Variants in GALNT9 observed in about 807,000 individuals in gnomAD.
GALNT9 encodes the protein GalNAc transferase 9.
Under a neutral mutation model 63.1 loss-of-function variants are expected in GALNT9, and 47 were observed. That is an observed-to-expected ratio of 0.75 (90% CI 0.59 to 0.95). The LOEUF (loss-of-function observed/expected upper bound fraction) is 0.95. GALNT9 is among the 40% of genes least tolerant of loss of function. The pLI, the probability that GALNT9 is intolerant of heterozygous loss-of-function variation, is 0.00. For missense variants in GALNT9, 829 were observed against 874.8 expected (o/e 0.95, Z 0.66); for synonymous variants, 396 against 365.7 (o/e 1.08, Z -0.94).
chr12:132,228,287 C>A (rs994835108), intron 6 of GALNT9, among the ~76,000 whole-genome samples: 3 of 152,022 alleles, frequency 2.0e-5, no homozygotes, highest in Admixed American at 6.5e-5. Flanking sequence ...CCCTCCCCAG[C>A]GTCCCTCTGA....
Position 132,327,551 on chromosome 12 carries a change from T to C in GALNT9, c.238+1415A>G, listed in dbSNP as rs954774630. Reference sequence around the variant, plus strand: ...TAACACCATGGCGAGCACACTTCAATAGAGCCATGTGCTATTGCCGGGCAC... The same window carrying C: ...TAACACCATGGCGAGCACACTTCAACAGAGCCATGTGCTATTGCCGGGCAC... On this transcript the variant is annotated intron_variant, in intron 1 of 10. Coordinates refer to ENST00000328957, the MANE Select transcript of GALNT9 (RefSeq NM_001122636.2). This position sits in a 1 kb window ranked among gnomAD's most constrained non-coding sequence, Gnocchi z 4.3. Among the ~76,000 whole-genome samples the C allele has an allele frequency of 6.6e-6, 1 of 152,130 alleles. No individual in the cohort carries two copies. The highest frequency in any genetic ancestry group is 1.5e-5 in the Non-Finnish European group (1 of 68,014).
At chr12:132,240,402 T>C in intron 6 of GALNT9, 1 of 353,116 alleles carries the variant, frequency 2.8e-6, no homozygotes, top group Non-Finnish European at 5.6e-6. Flanking sequence ...AAGGGACCCT[T>C]TGGCTTCCAG....
At chr12:132,227,651 A>G (rs1322938628) in intron 6 of GALNT9, among the ~76,000 whole-genome samples, 1 of 152,200 alleles carries the variant, frequency 6.6e-6, no homozygotes, top group African/African-American at 2.4e-5. Context: ...GAAAATTAGC[A>G]TGCTTGCTGT....
chr12:132,239,945 C>T (rs2136897579), intron 6 of GALNT9, among the ~76,000 whole-genome samples: 8 of 151,990 alleles, frequency 5.3e-5, no homozygotes, highest in East Asian at 3.9e-4. Context: ...CTCAGGCAGC[C>T]GCCTGCCTGG....
chr12:132,223,089 A>C (rs1877531102), intron 6 of GALNT9, among the ~76,000 whole-genome samples: 1 of 67,014 alleles, frequency 1.5e-5, no homozygotes, highest in African/African-American at 6.1e-5. Context: ...CCACACACAC[A>C]CCCCACACCC....
intron 6 of GALNT9, among the ~76,000 whole-genome samples, chr12:132,225,291 T>A (rs1228334452): frequency 5.4e-5 from 4 of 74,744 alleles, no homozygotes; most frequent in African/African-American, 1.1e-4. Flanking sequence ...CCACACTACA[T>A]ACACACCACC....
At chr12:132,267,745 G>GCACACT (rs1566005988) in intron 2 of GALNT9, among the ~76,000 whole-genome samples, 2 of 132,462 alleles carry the variant, frequency 1.5e-5, no homozygotes, top group African/African-American at 8.1e-5. Flanking sequence ...AAATACACAA[G>GCACACT]CACACACACT....
intron 5 of GALNT9, among the ~76,000 whole-genome samples, chr12:132,256,419 C>T (rs1379559620): frequency 6.6e-6 from 1 of 151,970 alleles, no homozygotes; most frequent in Non-Finnish European, 1.5e-5. Context: ...GTCTGCCCTG[C>T]TCATCCATTC....
At chr12:132,261,776 G>T (rs980452404) in intron 3 of GALNT9, among the ~76,000 whole-genome samples, 9 of 152,262 alleles carry the variant, frequency 5.9e-5, no homozygotes, top group African/African-American at 2.2e-4. Context: ...ACGGCTGCAG[G>T]CTCTCTGCTC....
At chr12:132,209,585 A>T (rs921319356) in intron 6 of GALNT9, among the ~76,000 whole-genome samples, 1 of 152,100 alleles carries the variant, frequency 6.6e-6, no homozygotes, top group African/African-American at 2.4e-5. Context: ...GGAGCCGCCA[A>T]GTCCCACCAA....
Position 132,247,904 on chromosome 12 carries a change from A to G in GALNT9, c.1077+6T>C. 1 of 1,551,168 alleles carries G rather than the reference A, an allele frequency of 6.4e-7. No individual in the cohort carries two copies. The highest frequency in any genetic ancestry group is 8.7e-7 in the Non-Finnish European group (1 of 1,146,954). ...CCCTGTCCCTGGACACCGGGGCCGC[A>G]CTCACCCTCATGCCCAGTTCTACGT... On this transcript the variant is annotated splice_donor_region_variant and intron_variant, in intron 6 of 10. Transcript: ENST00000328957.
intron 1 of GALNT9, among the ~76,000 whole-genome samples, chr12:132,287,420 G>C (rs1880643640): frequency 6.6e-6 from 1 of 152,158 alleles, no homozygotes. Flanking sequence ...ACCAGCCCTT[G>C]ACACCATCCG....
intron 6 of GALNT9, among the ~76,000 whole-genome samples, chr12:132,221,108 C>A (rs1436748356): frequency 6.9e-6 from 1 of 144,346 alleles, no homozygotes; most frequent in Non-Finnish European, 1.5e-5. Flanking sequence ...GTAATCCCAG[C>A]ACTTTCGGAG....
At position 132,262,727 on chromosome 12, in the gene GALNT9, C is replaced by T. The variant is rs782308254; in HGVS notation, c.420-102G>A. 3.6e-5 allele frequency: 51 copies of T among 1,418,264 alleles called. No individual in the cohort carries two copies. In the African/African-American group the frequency reaches 3.9e-4, roughly 11 times the overall value. 87.9% of individuals were successfully genotyped at this position (1,418,264 alleles called of 1,614,324 possible). ...CCTGCAGGAGACACGGTTTGGGGTG[C>T]GGTCAGGGCGCAGCATGAGGGACCC... On this transcript the variant is annotated intron_variant, in intron 2 of 10. Transcript: ENST00000328957.
At chr12:132,287,261 G>C (rs143966064) in intron 1 of GALNT9, among the ~76,000 whole-genome samples, 1 of 152,332 alleles carries the variant, frequency 6.6e-6, no homozygotes, top group East Asian at 1.9e-4. Context: ...CTGTGCCTGC[G>C]GGGCAGAGGA....
intron 6 of GALNT9, among the ~76,000 whole-genome samples, chr12:132,207,665 C>T (rs1234567299): frequency 6.6e-6 from 1 of 152,140 alleles, no homozygotes; most frequent in African/African-American, 2.4e-5. Flanking sequence ...CAACTTCCAT[C>T]ATTAGCTGAG....
intron 5 of GALNT9, among the ~76,000 whole-genome samples, chr12:132,249,625 C>A (rs1002821468): frequency 2.0e-5 from 3 of 152,214 alleles, no homozygotes; most frequent in Non-Finnish European, 2.9e-5. Flanking sequence ...TTCTTAACAA[C>A]AACCATCATT....
chr12:132,308,478 C>T (rs114704974), intron 1 of GALNT9, among the ~76,000 whole-genome samples: 7 of 152,308 alleles, frequency 4.6e-5, no homozygotes, highest in East Asian at 1.9e-4. Flanking sequence ...CCAGCAGCCC[C>T]CAGGTGGTGC....
chr12:132,313,062 C>T (rs1555245311), intron 1 of GALNT9, among the ~76,000 whole-genome samples: 2 of 151,986 alleles, frequency 1.3e-5, no homozygotes. Context: ...TCTACCCACC[C>T]ATCCATCCAC....
Sources: allele counts gnomAD v4.1 joint callset (sites outside exome capture counted in the v4.1 genomes callset), GRCh38; gene constraint gnomAD v4.1.1; non-coding constraint Gnocchi (gnomAD v3.1); transcripts MANE v1.5; gene names NCBI Gene and HGNC (gene_info 2026-07-23, HGNC 2026-07-21).